GRAMD4: variants seen among roughly 807,000 people sequenced by gnomAD.
GRAMD4 encodes GRAM domain containing 4.
GRAMD4 carries 25 observed loss-of-function variants against 83.9 expected under a neutral mutation model. The observed-to-expected ratio is 0.30, with a 90% CI of 0.22 to 0.42. The LOEUF is 0.42. Ranked by LOEUF, GRAMD4 falls within the 10% of genes least tolerant of loss-of-function variation. The pLI, the probability that GRAMD4 is intolerant of heterozygous loss-of-function variation, is 1.00. For missense variants in GRAMD4, 593 were observed against 788.7 expected (o/e 0.75, Z 2.97); for synonymous variants, 336 against 320.9 (o/e 1.05, Z -0.50).
At chr22:46,620,241 G>A, upstream of GRAMD4, 2 of 893,550 alleles carry the variant, frequency 2.2e-6, no homozygotes, top group Non-Finnish European at 2.7e-6. The surrounding 1 kb of genome is among the most constrained non-coding windows in gnomAD (Gnocchi z 4.7). Flanking sequence ...TTCCAGAGCA[G>A]CATGCTTTTG....
chr22:46,652,367 C>G (rs574829747), intron 3 of GRAMD4, among the ~76,000 whole-genome samples: 4 of 152,324 alleles, frequency 2.6e-5, no homozygotes, highest in Non-Finnish European at 5.9e-5. Context: ...CTCCCCCTTC[C>G]CGGAGCCTGC....
upstream of GRAMD4, among the ~76,000 whole-genome samples, chr22:46,616,887 TGC>T (rs1369544540): frequency 4.1e-5 from 1 of 24,476 alleles, no homozygotes; most frequent in Non-Finnish European, 8.5e-5. Flanking sequence ...GGTTCCCCTG[TGC>T]GTGTAGTTTC....
chr22:46,635,635 G>GA (rs538157529), intron 2 of GRAMD4, among the ~76,000 whole-genome samples: 1 of 109,954 alleles, frequency 9.1e-6, no homozygotes, highest in Admixed American at 1.1e-4. Context: ...CCTGTCCTGG[G>GA]GGACCGTGTC....
upstream of GRAMD4, among the ~76,000 whole-genome samples, chr22:46,616,443 TGC>T: frequency 7.9e-6 from 1 of 126,576 alleles, no homozygotes; most frequent in African/African-American, 3.1e-5. Flanking sequence ...GGTTCCCCTG[TGC>T]GTGTAGGTTC....
At chr22:46,660,573 A>G (rs1274217187) in intron 4 of GRAMD4, among the ~76,000 whole-genome samples, 5 of 152,138 alleles carry the variant, frequency 3.3e-5, no homozygotes, top group Non-Finnish European at 7.4e-5. Context: ...GCAAACCTCT[A>G]TTTTGGTTTT....
intron 15 of GRAMD4, among the ~76,000 whole-genome samples, chr22:46,674,360 G>T (rs979924637): frequency 1.3e-5 from 2 of 152,276 alleles, no homozygotes; most frequent in East Asian, 3.9e-4. Context: ...CCAGCGCCCT[G>T]ACCCTGCCGG....
intron 1 of GRAMD4, among the ~76,000 whole-genome samples, chr22:46,605,761 T>C (rs1341200687): frequency 6.7e-6 from 1 of 149,248 alleles, no homozygotes. Context: ...CATGGGCCTA[T>C]GGCCGGTGCT....
chr22:46,582,333 C>T (rs926732141), intron 1 of GRAMD4, among the ~76,000 whole-genome samples: 5 of 151,938 alleles, frequency 3.3e-5, no homozygotes, highest in African/African-American at 9.7e-5. Context: ...TGCTGGGCAG[C>T]GGGCGGTTAG....
At chr22:46,619,986 G>A (rs749840812), upstream of GRAMD4, among the ~76,000 whole-genome samples, 31 of 152,302 alleles carry the variant, frequency 2.0e-4, no homozygotes, top group Non-Finnish European at 3.5e-4. Flanking sequence ...GATGAAGGGC[G>A]TGCCAGCAGC....
At chr22:46,680,581 T>TCCACCCACCCAC (rs1569313368), downstream of GRAMD4, among the ~76,000 whole-genome samples, 35 of 15,386 alleles carry the variant, frequency 2.3e-3, no homozygotes, top group African/African-American at 3.4e-3. Flanking sequence ...CATCCATCCA[T>TCCACCCACCCAC]CCATCCATCC....
In GRAMD4 at chr22:46,659,534, G is replaced by T. The variant is rs1032918558; in HGVS notation, c.404+1227G>T. On this transcript the variant is annotated intron_variant, in intron 4 of 18. Coordinates refer to ENST00000406902, the MANE Select transcript of GRAMD4 (RefSeq NM_015124.5). The surrounding 1 kb of genome is among the most constrained non-coding windows in gnomAD (Gnocchi z 4.1). ...CACTGCCTGCTATGAGCGCTCCGGG[G>T]GCCGTGTGTCATTGTCAGGACTCCA... 2.6e-5 allele frequency among the ~76,000 whole-genome samples: 4 copies of T among 152,244 alleles called. No homozygotes were observed. Among genetic ancestry groups the T allele is most frequent in the African/African-American group, 9.6e-5 (4 of 41,460 alleles).
At chr22:46,596,972 C>T (rs1463155959) in intron 1 of GRAMD4, among the ~76,000 whole-genome samples, 1 of 152,220 alleles carries the variant, frequency 6.6e-6, no homozygotes, top group African/African-American at 2.4e-5. Context: ...CTGCTGCCTC[C>T]AGGTGGGATC....
chr22:46,662,545 G>A (rs947473051), intron 5 of GRAMD4, among the ~76,000 whole-genome samples: 7 of 152,312 alleles, frequency 4.6e-5, no homozygotes, highest in East Asian at 1.9e-4. Flanking sequence ...GGCTGCGCTC[G>A]CCAGGCACCC....
At position 46,679,512 on chromosome 22, in the gene GRAMD4, A is replaced by G; in HGVS notation, c.*2261A>G. ...GGAGAGAAGCTGTAGTTTTTACCAA[A>G]TTGTGTACATCTGGGCAGATGTTTA... is the stretch of plus-strand genomic sequence containing the variant. On this transcript the variant is annotated 3_prime_UTR_variant, in exon 19 of 19. Transcript: ENST00000406902. 2 of 985,566 alleles carry G rather than the reference A, an allele frequency of 2.0e-6. No homozygotes were observed. The highest frequency in any genetic ancestry group is 1.2e-6 in the Non-Finnish European group (1 of 829,874). The allele number at this position is 985,566 out of a possible 1,614,324, so 61.1% of individuals were successfully genotyped here.
chr22:46,622,380 A>G lies in GRAMD4; in HGVS notation c.-50+1815A>G, dbSNP rs1490275287. 6.6e-6 allele frequency among the ~76,000 whole-genome samples: 1 copy of G among 152,196 alleles called. No individual in the cohort carries two copies. The highest frequency in any genetic ancestry group is 2.4e-5 in the African/African-American group (1 of 41,454). ...TTCCCTCTCAGCTGCCGCAACCAGG[A>G]GGACTCGCCGGGTTTTTGAAAATGG... On this transcript the variant is annotated intron_variant, in intron 1 of 18. Transcript: ENST00000406902. This position sits in a 1 kb window ranked among gnomAD's most constrained non-coding sequence, Gnocchi z 4.0.
chr22:46,667,766 C>T (rs1344591650), intron 10 of GRAMD4, among the ~76,000 whole-genome samples: 1 of 152,232 alleles, frequency 6.6e-6, no homozygotes, highest in Non-Finnish European at 1.5e-5. Flanking sequence ...GACCAGGGCT[C>T]CCATTGGCTG....
At chr22:46,627,959 C>T (rs1302279970) in intron 2 of GRAMD4, among the ~76,000 whole-genome samples, 3 of 152,146 alleles carry the variant, frequency 2.0e-5, no homozygotes, top group African/African-American at 4.8e-5. Context: ...GGGGGTGGAC[C>T]GGGACCCCGG....
rs142419391 is a variant in GRAMD4 at position 46,607,956 on chromosome 22, G to A, written c.-49-18795G>A. Among the ~76,000 whole-genome samples, 88 of 152,294 alleles carry A rather than the reference G, an allele frequency of 5.8e-4. 1 individual carries two copies. The East Asian group carries it at 0.015, about 27-fold the overall frequency. ...GGTGCCGGCTGCCCCCCCAGGGGCC[G>A]TGGGGTGTCTTCTCCACAGTTAGGG... On this transcript the variant is annotated intron_variant, in intron 1 of 1. Coordinates refer to the GRAMD4 transcript ENST00000431155.
Position 46,608,770 on chromosome 22 carries a change from A to G in GRAMD4, c.-49-17981A>G, listed in dbSNP as rs6007945. Among the ~76,000 whole-genome samples the G allele has an allele frequency of 9.2e-3, 1,405 of 152,232 alleles. 26 individuals are homozygous for G. Among genetic ancestry groups the G allele is most frequent in the African/African-American group, 0.032 (1,328 of 41,542 alleles). Reference sequence around the variant, plus strand: ...ATGCCTGTAATCCCAGCACTTTGGGAGGCTGAGATGGAAGGATGGCTTGAA... The same window carrying G: ...ATGCCTGTAATCCCAGCACTTTGGGGGGCTGAGATGGAAGGATGGCTTGAA... On this transcript the variant is annotated intron_variant, in intron 1 of 1. Transcript: ENST00000431155.
Sources: gnomAD v4.1 joint callset for allele counts (sites outside exome capture counted in the v4.1 genomes callset) on GRCh38, gnomAD v4.1.1 for gene constraint, Gnocchi (gnomAD v3.1) non-coding constraint, MANE v1.5 for transcripts, NCBI Gene and HGNC (gene_info 2026-07-23, HGNC 2026-07-21) for gene names.